The following LSAMP variants were observed in gnomAD, a reference collection of about 807,000 sequenced individuals.
LSAMP encodes limbic system associated membrane protein, also known as limbic system-associated membrane protein.
In LSAMP, 7 loss-of-function variants were observed where a neutral mutation model predicts 38.6. That is an observed-to-expected ratio of 0.18 (90% CI 0.10 to 0.34). The LOEUF is 0.34. Ranked by LOEUF, LSAMP falls within the 10% of genes least tolerant of loss-of-function variation. The pLI is 1.00. For synonymous variants in LSAMP, 154 were observed against 166.8 expected, an observed-to-expected ratio of 0.92 and a Z score of 0.59; for missense variants, 313 against 420.0, an observed-to-expected ratio of 0.75 and a Z score of 2.23.
At chr3:116,202,710 C>T (rs2046003641) in intron 1 of LSAMP, among the ~76,000 whole-genome samples, 1 of 152,136 alleles carries the variant, frequency 6.6e-6, no homozygotes, top group Admixed American at 6.5e-5. Context: ...AAGTGTGAGC[C>T]ACCATACCCA....
intron 1 of LSAMP, among the ~76,000 whole-genome samples, chr3:116,434,563 G>A (rs966790697): frequency 2.0e-5 from 3 of 152,116 alleles, no homozygotes; most frequent in Admixed American, 1.3e-4. Flanking sequence ...GGTGGAGTGA[G>A]GGGTAGAAGG....
intron 3 of LSAMP, among the ~76,000 whole-genome samples, chr3:115,879,767 C>T (rs1576178816): frequency 6.6e-6 from 1 of 152,082 alleles, no homozygotes; most frequent in African/African-American, 2.4e-5. Flanking sequence ...ACTAACTTTT[C>T]ACAAAAGAGG....
intron 2 of LSAMP, among the ~76,000 whole-genome samples, chr3:116,059,356 G>A (rs1435395425): frequency 6.6e-6 from 1 of 152,130 alleles, no homozygotes; most frequent in African/African-American, 2.4e-5. Context: ...AATATAATCA[G>A]GAGAAGATGT....
chr3:115,908,234 T>C (rs557570131), intron 3 of LSAMP, among the ~76,000 whole-genome samples: 5 of 152,150 alleles, frequency 3.3e-5, no homozygotes, highest in South Asian at 4.2e-4. Context: ...AGTTTATATA[T>C]ATATAAGTGG....
At chr3:116,090,866 G>A (rs756127738) in intron 1 of LSAMP, among the ~76,000 whole-genome samples, 11 of 152,134 alleles carry the variant, frequency 7.2e-5, no homozygotes, top group Non-Finnish European at 1.6e-4. Context: ...GTGGAGGCAG[G>A]GCGAGATCAC....
At chr3:116,385,517 T>C (rs1475746877) in intron 1 of LSAMP, among the ~76,000 whole-genome samples, 1 of 152,190 alleles carries the variant, frequency 6.6e-6, no homozygotes, top group Non-Finnish European at 1.5e-5. Context: ...CCAAAGAGGC[T>C]GCTGTGTAGG....
At chr3:116,202,712 C>T (rs187037654) in intron 1 of LSAMP, among the ~76,000 whole-genome samples, 124 of 152,290 alleles carry the variant, frequency 8.1e-4, no homozygotes, top group African/African-American at 2.9e-3. Context: ...GTGTGAGCCA[C>T]CATACCCAAG....
chr3:116,050,179 T>C (rs942502724), intron 2 of LSAMP, among the ~76,000 whole-genome samples: 1 of 152,122 alleles, frequency 6.6e-6, no homozygotes, highest in African/African-American at 2.4e-5. Context: ...AGCATCTCCA[T>C]GGGCTGCCTG....
At chr3:116,288,467 T>C (rs946363072) in intron 1 of LSAMP, among the ~76,000 whole-genome samples, 1 of 152,206 alleles carries the variant, frequency 6.6e-6, no homozygotes, top group Non-Finnish European at 1.5e-5. Context: ...GCTTCACATA[T>C]GGTTACTTTT....
chr3:116,278,257 T>C (rs1434890437), intron 1 of LSAMP, among the ~76,000 whole-genome samples: 3 of 152,180 alleles, frequency 2.0e-5, no homozygotes, highest in Non-Finnish European at 4.4e-5. Flanking sequence ...TTAAGAGCTA[T>C]TGTCACTTTG....
At chr3:116,359,304 T>A (rs920166967) in intron 1 of LSAMP, among the ~76,000 whole-genome samples, 1 of 152,158 alleles carries the variant, frequency 6.6e-6, no homozygotes, top group African/African-American at 2.4e-5. Flanking sequence ...TGATACCAAC[T>A]CAAAAAGTGT....
chr3:116,268,525 C>T (rs755706745), intron 1 of LSAMP, among the ~76,000 whole-genome samples: 5 of 152,054 alleles, frequency 3.3e-5, no homozygotes, highest in Non-Finnish European at 7.4e-5. Context: ...AGGCTCATGC[C>T]ATTTCTTTAA....
chr3:115,904,113 A>G (rs1327015040), intron 3 of LSAMP, among the ~76,000 whole-genome samples: 1 of 152,118 alleles, frequency 6.6e-6, no homozygotes, highest in African/African-American at 2.4e-5. Context: ...ACGGTAGTCA[A>G]AAAAAGTGAA....
chr3:116,141,077 T>G (rs183538956), intron 1 of LSAMP, among the ~76,000 whole-genome samples: 1 of 151,946 alleles, frequency 6.6e-6, no homozygotes, highest in African/African-American at 2.4e-5. Context: ...TGTGTTAGAA[T>G]TGATGACTTA....
At chr3:116,086,231 C>A (rs1052988244) in intron 2 of LSAMP, 93 bp downstream of exon 2, 8 of 1,012,496 alleles carry the variant, frequency 7.9e-6, no homozygotes, top group Non-Finnish European at 1.5e-6. Flanking sequence ...GGGAATATTT[C>A]TTTTCAGGAA....
chr3:116,329,563 AT>A (rs201460374), intron 1 of LSAMP, among the ~76,000 whole-genome samples: 1,581 of 152,300 alleles, frequency 0.01, 31 homozygotes, highest in African/African-American at 0.037. Context: ...ATGATGTTAT[AT>A]ATGCAAATTC....
intron 6 of LSAMP, among the ~76,000 whole-genome samples, chr3:115,819,419 ACT>A (rs1934153988): frequency 1.3e-5 from 2 of 150,834 alleles, no homozygotes; most frequent in South Asian, 2.1e-4. Flanking sequence ...ACAGAGTGAG[ACT>A]CTGTCCAAAA....
chr3:115,980,230 C>A (rs1310946372), intron 3 of LSAMP, among the ~76,000 whole-genome samples: 1 of 152,054 alleles, frequency 6.6e-6, no homozygotes, highest in African/African-American at 2.4e-5. Flanking sequence ...AACAAATGAT[C>A]AGTTAATTTA....
At chr3:116,164,657 TATATATAATCCAA>T (rs1319605122) in intron 1 of LSAMP, among the ~76,000 whole-genome samples, 40 of 137,222 alleles carry the variant, frequency 2.9e-4, no homozygotes, top group African/African-American at 1.0e-3. Flanking sequence ...TCCAAATATA[TATATATAATCCAA>T]ATATATATAT....
Sources: allele counts gnomAD v4.1 joint callset (sites outside exome capture counted in the v4.1 genomes callset), GRCh38; gene constraint gnomAD v4.1.1; transcripts MANE v1.5; gene names NCBI Gene and HGNC (gene_info 2026-07-23, HGNC 2026-07-21).